The following LIMCH1 variants were observed in gnomAD, a reference collection of about 807,000 sequenced individuals.
The protein encoded by LIMCH1 is LIM and calponin homology domains-containing protein 1.
LIMCH1 carries 113 observed loss-of-function variants against 176.5 expected under a neutral mutation model. The ratio of observed to expected loss-of-function variants is 0.64; its 90% CI spans 0.55 to 0.75. The LOEUF (loss-of-function observed/expected upper bound fraction) is 0.75, where lower values mean the gene tolerates loss of function less well. Ranked by LOEUF, LIMCH1 falls within the 30% of genes least tolerant of loss-of-function variation. The pLI, the probability that LIMCH1 is intolerant of heterozygous loss-of-function variation, is 0.00. For missense variants in LIMCH1, 1,674 were observed against 1,814.9 expected (o/e 0.92, Z 1.41); for synonymous variants, 619 against 645.9 (o/e 0.96, Z 0.63).
intron 1 of LIMCH1, among the ~76,000 whole-genome samples, chr4:41,422,494 G>A (rs1334299393): frequency 6.6e-6 from 1 of 151,300 alleles, no homozygotes; most frequent in Non-Finnish European, 1.5e-5. Flanking sequence ...GGCCAGGTAT[G>A]GTATCACCTT....
At chr4:41,590,384 C>G (rs988182338) in intron 1 of LIMCH1, among the ~76,000 whole-genome samples, 2 of 152,116 alleles carry the variant, frequency 1.3e-5, no homozygotes, top group African/African-American at 4.8e-5. Flanking sequence ...CACGCCAGGC[C>G]TGGGATCTTA....
At chr4:41,432,659 T>G (rs548532751) in intron 1 of LIMCH1, among the ~76,000 whole-genome samples, 1 of 152,366 alleles carries the variant, frequency 6.6e-6, no homozygotes, top group East Asian at 1.9e-4. Flanking sequence ...AAACATTTCC[T>G]AAGGTAAACA....
Position 41,620,702 on chromosome 4 carries a change from G to A in LIMCH1, c.725+12G>A, listed in dbSNP as rs1331988293. Reference sequence around the variant, plus strand: ...CAGCGCTTTGCCAGGTCAGCTCTGGGCTGAGGGCTGGCCCGGCTGGCTTTC... The same window carrying A: ...CAGCGCTTTGCCAGGTCAGCTCTGGACTGAGGGCTGGCCCGGCTGGCTTTC... On this transcript the variant is annotated intron_variant, in intron 7 of 31. Coordinates refer to ENST00000503057, the MANE Select transcript of LIMCH1 (RefSeq NM_001330672.2). 3 of 1,525,240 alleles carry A rather than the reference G, an allele frequency of 2.0e-6. No homozygotes were observed. The highest frequency in any genetic ancestry group is 2.5e-5 in the East Asian group (1 of 40,716). 94.5% of individuals were successfully genotyped at this position (1,525,240 alleles called of 1,614,324 possible).
chr4:41,643,060 A>C lies in LIMCH1; in HGVS notation c.2127-1440A>C, dbSNP rs143126624. 5.6e-3 allele frequency among the ~76,000 whole-genome samples: 858 copies of C among 152,264 alleles called. 6 individuals are homozygous for C. The highest frequency in any genetic ancestry group is 9.4e-3 in the Non-Finnish European group (641 of 68,012). On this transcript the variant is annotated intron_variant, in intron 14 of 31. Transcript: ENST00000503057. ...AGACAGGTTACAAGTACAGTTTTTCAGTTTAGTTCTCTTAGACTTAAATTG... is the reference window on the plus strand; with the variant it reads ...AGACAGGTTACAAGTACAGTTTTTCCGTTTAGTTCTCTTAGACTTAAATTG...
chr4:41,460,476 A>ATATATATATATATC lies in LIMCH1; in HGVS notation c.97-34057_97-34056insATATATATATCTAT, dbSNP rs965621988. The stretch of plus-strand genomic sequence containing the variant: ...TAATCATCTATATATATATATATAT[A>ATATATATATATATC]TATCTTATAATATCATGTTATAGAT... On this transcript the variant is annotated intron_variant, in intron 1 of 26. Transcript: ENST00000313860. Among the ~76,000 whole-genome samples, 509 of 142,630 alleles carry ATATATATATATATC rather than the reference A, an allele frequency of 3.6e-3. 11 individuals carry two copies. In the South Asian group the frequency reaches 0.051, roughly 14 times the overall value. 93.6% of individuals were successfully genotyped at this position (142,630 alleles called of 152,430 possible).
chr4:41,573,420 T>C (rs2083880442), intron 1 of LIMCH1, among the ~76,000 whole-genome samples: 1 of 152,222 alleles, frequency 6.6e-6, no homozygotes, highest in Non-Finnish European at 1.5e-5. Flanking sequence ...TTGACATTCC[T>C]CTAGTAATTT....
At chr4:41,489,727 TAG>T in intron 1 of LIMCH1, among the ~76,000 whole-genome samples, 1 of 152,028 alleles carries the variant, frequency 6.6e-6, no homozygotes, top group Admixed American at 6.6e-5. Flanking sequence ...ATGAGTTATC[TAG>T]TGAGAGTTAC....
chr4:41,670,669 C>T (rs1019657463), intron 21 of LIMCH1: 1 of 1,383,024 alleles, frequency 7.2e-7, no homozygotes, highest in African/African-American at 1.4e-5. Flanking sequence ...TCAGTTCTCA[C>T]CCCAGTTTTC....
At chr4:41,370,899 T>C (rs1211791025) in intron 1 of LIMCH1, among the ~76,000 whole-genome samples, 3 of 152,072 alleles carry the variant, frequency 2.0e-5, no homozygotes, top group African/African-American at 4.8e-5. Context: ...GTTTTACAGA[T>C]GGGAAAATGG....
intron 1 of LIMCH1, among the ~76,000 whole-genome samples, chr4:41,547,875 A>G (rs1296102464): frequency 4.4e-5 from 6 of 137,270 alleles, no homozygotes; most frequent in African/African-American, 1.4e-4. Flanking sequence ...ATATATATAT[A>G]TATATATATA....
chr4:41,362,239 T>G lies in LIMCH1; in HGVS notation c.96+1303T>G, dbSNP rs966308238. Among the ~76,000 whole-genome samples, 24 of 152,130 alleles carry G rather than the reference T, an allele frequency of 1.6e-4. 1 individual carries two copies. The highest frequency in any genetic ancestry group is 3.5e-4 in the Non-Finnish European group (24 of 68,026). ...TAGAAACATCTGTTTGAAAATAGGG[T>G]TCAAGAAACAGAACAATGAACATCA... On this transcript the variant is annotated intron_variant, in intron 1 of 26. Transcript: ENST00000313860.
intron 1 of LIMCH1, among the ~76,000 whole-genome samples, chr4:41,365,964 C>G (rs1254693258): frequency 1.3e-5 from 2 of 152,236 alleles, no homozygotes; most frequent in African/African-American, 4.8e-5. Context: ...CACTGGGTCT[C>G]TTGGCCTCCA....
At chr4:41,489,097 A>G (rs1009543306) in intron 1 of LIMCH1, among the ~76,000 whole-genome samples, 1 of 152,128 alleles carries the variant, frequency 6.6e-6, no homozygotes, top group Non-Finnish European at 1.5e-5. Flanking sequence ...TTATCCTTTT[A>G]GTATCTATAG....
chr4:41,503,735 C>G (rs1363983351), intron 2 of LIMCH1, among the ~76,000 whole-genome samples: 1 of 152,158 alleles, frequency 6.6e-6, no homozygotes, highest in East Asian at 1.9e-4. Flanking sequence ...TAGATCACTC[C>G]TTCCTTGGGA....
intron 1 of LIMCH1, among the ~76,000 whole-genome samples, chr4:41,587,020 T>G (rs1216237689): frequency 6.6e-6 from 1 of 152,248 alleles, no homozygotes; most frequent in Admixed American, 6.5e-5. Flanking sequence ...TAATGTATGC[T>G]CACTTCATTT....
intron 20 of LIMCH1, among the ~76,000 whole-genome samples, chr4:41,666,127 G>A (rs2094813965): frequency 6.6e-6 from 1 of 152,178 alleles, no homozygotes; most frequent in South Asian, 2.1e-4. Context: ...CCATTGAAAA[G>A]TAATACTACT....
At chr4:41,559,928 C>T (rs2081838905) in intron 1 of LIMCH1, among the ~76,000 whole-genome samples, 1 of 152,058 alleles carries the variant, frequency 6.6e-6, no homozygotes, top group African/African-American at 2.4e-5. Flanking sequence ...GCTAAGGAAC[C>T]CCAAGTCCAT....
intron 1 of LIMCH1, among the ~76,000 whole-genome samples, chr4:41,564,254 A>T (rs998193428): frequency 3.5e-4 from 54 of 152,326 alleles, no homozygotes; most frequent in African/African-American, 1.3e-3. Flanking sequence ...ACCTGGAATT[A>T]GAATTCAGAT....
chr4:41,666,697 C>T (rs376285632), intron 21 of LIMCH1, 31 bp downstream of exon 21: 2 of 1,404,806 alleles, frequency 1.4e-6, no homozygotes, highest in Non-Finnish European at 2.0e-6. Flanking sequence ...TTTAGGTCTG[C>T]ATGTTCTGGG....
Sources: gnomAD v4.1 joint callset for allele counts (sites outside exome capture counted in the v4.1 genomes callset) on GRCh38, gnomAD v4.1.1 for gene constraint, MANE v1.5 for transcripts, NCBI Gene and HGNC (gene_info 2026-07-23, HGNC 2026-07-21) for gene names.